Variants in DLG2 observed in about 807,000 individuals in gnomAD.
DLG2 encodes discs large MAGUK scaffold protein 2, also known as disks large homolog 2.
In DLG2, 45 loss-of-function variants were observed where a neutral mutation model predicts 132.5. The observed-to-expected ratio is 0.34, with a 90% CI of 0.27 to 0.44. DLG2 has a LOEUF of 0.44. DLG2 is among the 20% of genes least tolerant of loss of function. The pLI is 1.00. For missense variants in DLG2, 1,045 were observed against 1,196.9 expected (o/e 0.87, Z 1.87); for synonymous variants, 424 against 419.6 (o/e 1.01, Z -0.13).
At chr11:83,802,591 CTATT>C (rs1188629350) in intron 17 of DLG2, among the ~76,000 whole-genome samples, 1 of 152,006 alleles carries the variant, frequency 6.6e-6, no homozygotes, top group East Asian at 1.9e-4. Context: ...TAAAATATCA[CTATT>C]TAATCTACTG....
intron 3 of DLG2, among the ~76,000 whole-genome samples, chr11:85,537,088 G>C (rs2075639435): frequency 6.6e-6 from 1 of 152,184 alleles, no homozygotes; most frequent in African/African-American, 2.4e-5. Flanking sequence ...GGGACTTGGA[G>C]AACGTTTGCG....
At chr11:84,208,341 C>CTTT (rs775828270) in intron 8 of DLG2, among the ~76,000 whole-genome samples, 12 of 122,774 alleles carry the variant, frequency 9.8e-5, no homozygotes, top group African/African-American at 1.3e-4. Context: ...TCAGAATAAA[C>CTTT]TTTTTTTTTT....
intron 12 of DLG2, among the ~76,000 whole-genome samples, chr11:83,979,638 T>C (rs760647044): frequency 6.6e-6 from 1 of 152,138 alleles, no homozygotes; most frequent in African/African-American, 2.4e-5. Flanking sequence ...TACTGAAGCA[T>C]GTGAGAAGCT....
chr11:83,795,391 G>C (rs1047101503), intron 17 of DLG2, among the ~76,000 whole-genome samples: 6 of 144,424 alleles, frequency 4.2e-5, no homozygotes, highest in Admixed American at 3.4e-4. Context: ...CTGGGGGACA[G>C]AGTGAGACTC....
intron 6 of DLG2, among the ~76,000 whole-genome samples, chr11:84,951,850 C>A (rs1351657542): frequency 2.0e-5 from 3 of 151,922 alleles, no homozygotes; most frequent in African/African-American, 4.8e-5. Context: ...TATATATAGG[C>A]ATTAAATTAA....
intron 6 of DLG2, among the ~76,000 whole-genome samples, chr11:85,022,948 G>T (rs575375878): frequency 1.3e-5 from 2 of 152,142 alleles, no homozygotes; most frequent in African/African-American, 4.8e-5. Flanking sequence ...ACCCAACTTA[G>T]AAGACCTGCA....
rs531323516 is a variant in DLG2, at chr11:83,882,581, T to C, written c.1497-8093A>G. On this transcript the variant is annotated intron_variant, in intron 15 of 27. Transcript: ENST00000376104. ...GACTCAAAAAATAAATTGGATATGCTTTATTGGGAGAAATACCATTTTTTT... is the reference window on the plus strand; with the variant it reads ...GACTCAAAAAATAAATTGGATATGCCTTATTGGGAGAAATACCATTTTTTT... Among the ~76,000 whole-genome samples, 5 of 152,344 alleles carry C rather than the reference T, an allele frequency of 3.3e-5. No individual in the cohort carries two copies. In the South Asian group the frequency reaches 8.3e-4, roughly 25 times the overall value.
intron 10 of DLG2, among the ~76,000 whole-genome samples, chr11:84,091,897 GT>G (rs1441538767): frequency 3.9e-5 from 6 of 152,144 alleles, no homozygotes; most frequent in African/African-American, 1.4e-4. Context: ...CTTGCTAGCT[GT>G]AGCCTGGGGA....
intron 4 of DLG2, among the ~76,000 whole-genome samples, chr11:85,191,170 A>G (rs930677800): frequency 9.4e-4 from 137 of 146,026 alleles, no homozygotes; most frequent in African/African-American, 3.2e-3. Flanking sequence ...GCGCACACAC[A>G]CACACACACA....
intron 3 of DLG2, among the ~76,000 whole-genome samples, chr11:85,594,249 G>T (rs2079570051): frequency 6.6e-6 from 1 of 152,202 alleles, no homozygotes; most frequent in Non-Finnish European, 1.5e-5. Context: ...TAATACATCT[G>T]CTGTATCACC....
intron 6 of DLG2, among the ~76,000 whole-genome samples, chr11:84,988,802 T>G (rs1274419540): frequency 1.3e-5 from 2 of 151,940 alleles, no homozygotes; most frequent in African/African-American, 4.8e-5. Context: ...TGCACCAAAA[T>G]CTCACAAATC....
chr11:84,730,347 C>A (rs971702432), intron 6 of DLG2, among the ~76,000 whole-genome samples: 1 of 151,978 alleles, frequency 6.6e-6, no homozygotes, highest in Admixed American at 6.6e-5. Context: ...TGTAAAAGTA[C>A]CTATCAAAAT....
chr11:85,395,616 C>T (rs1273669951), intron 3 of DLG2, among the ~76,000 whole-genome samples: 1 of 152,234 alleles, frequency 6.6e-6, no homozygotes, highest in Non-Finnish European at 1.5e-5. Flanking sequence ...CCATGCCTGA[C>T]TCAGTGGGTC....
chr11:85,400,029 T>C (rs973545879), intron 3 of DLG2, among the ~76,000 whole-genome samples: 2 of 151,860 alleles, frequency 1.3e-5, no homozygotes, highest in African/African-American at 4.8e-5. Flanking sequence ...CACATCCTAC[T>C]CATCTGACAA....
chr11:85,285,307 C>G lies in DLG2; in HGVS notation c.99G>C (p.Lys33Asn). The G allele has an allele frequency of 2.5e-6, 4 of 1,612,010 alleles. No individual in the cohort carries two copies. The highest frequency in any genetic ancestry group is 3.4e-6 in the Non-Finnish European group (4 of 1,178,684). The change falls in exon 4 of 28, where the codon AAG becomes AAC. Residue 33 changes from lysine to asparagine, a missense_variant. Physicochemically the swap from Lys to Asn is moderately conservative, Grantham distance 94. Around this residue, in one of 4 missense-constraint regions of DLG2, gnomAD observed 277 missense variants for 238.2 expected, o/e 1.16. Coordinates refer to ENST00000376104, the MANE Select transcript of DLG2 (RefSeq NM_001142699.3). Reference sequence around the variant, plus strand: ...GTAAAACTTGATTGGCTTCTTCTATCTTCTGCTCACAACTTTTTTGAGAAT... The same window carrying G: ...GTAAAACTTGATTGGCTTCTTCTATGTTCTGCTCACAACTTTTTTGAGAAT... ...LLNSQKSCEQKIEEANQVLQK... is the reference protein window; with the variant it reads ...LLNSQKSCEQNIEEANQVLQK...
intron 16 of DLG2, among the ~76,000 whole-genome samples, chr11:83,864,369 A>C (rs1407398808): frequency 1.3e-5 from 2 of 152,200 alleles, no homozygotes; most frequent in African/African-American, 4.8e-5. Flanking sequence ...ATTTTCTCAA[A>C]TATCTCACCA....
chr11:83,961,647 G>A (rs1273324373), intron 14 of DLG2, among the ~76,000 whole-genome samples: 3 of 151,856 alleles, frequency 2.0e-5, no homozygotes, highest in South Asian at 2.1e-4. Context: ...ATGTTAATTC[G>A]CTATGGGGCC....
intron 25 of DLG2, among the ~76,000 whole-genome samples, chr11:83,467,452 C>T (rs2091239229): frequency 1.3e-5 from 2 of 152,014 alleles, no homozygotes; most frequent in Admixed American, 6.6e-5. Context: ...AAATGGTTAA[C>T]TTAAACATAT....
intron 17 of DLG2, among the ~76,000 whole-genome samples, chr11:83,809,178 G>T (rs189738225): frequency 1.3e-5 from 2 of 152,232 alleles, no homozygotes; most frequent in East Asian, 3.9e-4. Flanking sequence ...CTGATGTGCT[G>T]TGAAAGTCTC....
Sources: allele counts gnomAD v4.1 joint callset (sites outside exome capture counted in the v4.1 genomes callset), GRCh38; gene constraint gnomAD v4.1.1; regional missense constraint gnomAD v4.1.1; transcripts MANE v1.5; gene names NCBI Gene and HGNC (gene_info 2026-07-23, HGNC 2026-07-21).